Variants in SOX6 observed in about 807,000 individuals in gnomAD.
SOX6 encodes the protein transcription factor SOX-6.
SOX6 carries 11 observed loss-of-function variants against 97.8 expected under a neutral mutation model. The ratio of observed to expected loss-of-function variants is 0.11; its 90% CI spans 0.07 to 0.19. The LOEUF (loss-of-function observed/expected upper bound fraction) is 0.19, where lower values mean the gene tolerates loss of function less well. Among genes scored for constraint, SOX6 ranks in the 10% least tolerant of loss-of-function variants. The probability of loss-of-function intolerance (pLI) is 1.00; values close to 1 mark genes in which losing one functional copy is unlikely to be tolerated. For missense variants in SOX6, 810 were observed against 1,039.5 expected, an observed-to-expected ratio of 0.78 and a Z score of 3.04; for synonymous variants, 360 against 371.4, an observed-to-expected ratio of 0.97 and a Z score of 0.35.
intron 1 of SOX6, among the ~76,000 whole-genome samples, chr11:16,456,632 T>G (rs1859815076): frequency 6.6e-6 from 1 of 152,130 alleles, no homozygotes; most frequent in Non-Finnish European, 1.5e-5. Flanking sequence ...AACAGCATTA[T>G]GTACAAAATC....
intron 14 of SOX6, among the ~76,000 whole-genome samples, chr11:15,987,914 G>C (rs942765239): frequency 6.6e-6 from 1 of 151,560 alleles, no homozygotes; most frequent in Non-Finnish European, 1.5e-5. Context: ...ACCACTATTT[G>C]ATCTTATGTA....
At chr11:16,488,915 C>A (rs1351966068) in intron 4 of SOX6, among the ~76,000 whole-genome samples, 2 of 152,074 alleles carry the variant, frequency 1.3e-5, no homozygotes, top group Non-Finnish European at 2.9e-5. Context: ...AGTTTACAGG[C>A]AAGGAAACAG....
At chr11:16,516,554 A>G (rs2133156734) in intron 4 of SOX6, among the ~76,000 whole-genome samples, 1 of 152,220 alleles carries the variant, frequency 6.6e-6, no homozygotes, top group Non-Finnish European at 1.5e-5. Flanking sequence ...AAACACCTCT[A>G]CGCAAACAAA....
intron 3 of SOX6, among the ~76,000 whole-genome samples, chr11:16,238,110 G>A (rs1054128318): frequency 1.8e-4 from 28 of 151,836 alleles, no homozygotes; most frequent in Admixed American, 1.7e-3. Flanking sequence ...TGAAATGCAG[G>A]ACTTTATCTT....
intron 2 of SOX6, among the ~76,000 whole-genome samples, chr11:16,325,325 C>T (rs1467679315): frequency 6.6e-6 from 1 of 151,996 alleles, no homozygotes; most frequent in Non-Finnish European, 1.5e-5. Context: ...ATGTGCTCCC[C>T]CACACACAAA....
intron 3 of SOX6, among the ~76,000 whole-genome samples, chr11:16,237,840 A>C (rs1306997243): frequency 6.6e-6 from 1 of 152,044 alleles, no homozygotes; most frequent in Non-Finnish European, 1.5e-5. Context: ...TCTGACTTTG[A>C]CTTTTCCAAG....
At chr11:16,142,495 G>A (rs1236736370) in intron 6 of SOX6, among the ~76,000 whole-genome samples, 1 of 152,132 alleles carries the variant, frequency 6.6e-6, no homozygotes, top group African/African-American at 2.4e-5. Flanking sequence ...GAACAAAGCT[G>A]GACAGAGAAT....
chr11:16,599,457 C>T (rs902106253), intron 4 of SOX6, among the ~76,000 whole-genome samples: 1 of 152,182 alleles, frequency 6.6e-6, no homozygotes, highest in East Asian at 1.9e-4. Flanking sequence ...AATATTAACT[C>T]AGTTATTGAC....
intron 1 of SOX6, among the ~76,000 whole-genome samples, chr11:16,459,557 T>C (rs953094251): frequency 6.6e-6 from 1 of 152,044 alleles, no homozygotes; most frequent in Non-Finnish European, 1.5e-5. Flanking sequence ...AAACAGCTAT[T>C]ATACTTGCAT....
intron 4 of SOX6, among the ~76,000 whole-genome samples, chr11:16,512,221 C>T (rs1209529850): frequency 6.6e-6 from 1 of 152,100 alleles, no homozygotes; most frequent in African/African-American, 2.4e-5. Flanking sequence ...CCCCAAGACA[C>T]CATAAAGAAG....
intron 6 of SOX6, among the ~76,000 whole-genome samples, chr11:16,162,652 G>A (rs1850781666): frequency 6.6e-6 from 1 of 152,176 alleles, no homozygotes; most frequent in South Asian, 2.1e-4. Context: ...CAGATGCCCA[G>A]TGCCTTGCTT....
At chr11:16,147,646 T>C (rs1301762681) in intron 6 of SOX6, among the ~76,000 whole-genome samples, 1 of 152,186 alleles carries the variant, frequency 6.6e-6, no homozygotes, top group Admixed American at 6.6e-5. Flanking sequence ...TCCTGCTTAA[T>C]CCTTTCTCCC....
In SOX6 at chr11:16,647,972, C is replaced by A. The variant is rs188537619; in HGVS notation, n.430-35712G>T. ...CTCACAGGGTGAAGGAAGTTTCCAA[C>A]TGAAATTGGTAGTAGGTTCAACTGG... On this transcript the variant is annotated intron_variant and non_coding_transcript_variant, in intron 3 of 5. Coordinates refer to the SOX6 transcript ENST00000524520. Among the ~76,000 whole-genome samples the A allele has an allele frequency of 5.9e-5, 9 of 152,166 alleles. No homozygotes were observed. In the East Asian group the frequency reaches 1.7e-3, roughly 29 times the overall value.
At chr11:16,433,754 A>G (rs2133078556) in intron 1 of SOX6, among the ~76,000 whole-genome samples, 1 of 152,256 alleles carries the variant, frequency 6.6e-6, no homozygotes, top group South Asian at 2.1e-4. Flanking sequence ...TCAAATAATT[A>G]AGCAATATGA....
intron 3 of SOX6, among the ~76,000 whole-genome samples, chr11:16,288,720 T>A (rs1353829823): frequency 1.3e-5 from 2 of 151,852 alleles, no homozygotes; most frequent in Admixed American, 6.6e-5. Context: ...TACCAAAAAG[T>A]ACACCTTTGA....
intron 15 of SOX6, among the ~76,000 whole-genome samples, chr11:15,981,246 C>A (rs532170594): frequency 6.6e-6 from 1 of 152,088 alleles, no homozygotes; most frequent in South Asian, 2.1e-4. Flanking sequence ...CACATCAAAA[C>A]AACATTTGTG....
At chr11:16,291,363 GAATAAATA>G (rs138094110) in intron 3 of SOX6, among the ~76,000 whole-genome samples, 10 of 148,130 alleles carry the variant, frequency 6.8e-5, no homozygotes, top group South Asian at 2.2e-4. Flanking sequence ...TATAATGAAT[GAATAAATA>G]AATAAATAAA....
intron 1 of SOX6, among the ~76,000 whole-genome samples, chr11:16,457,575 G>C (rs947046005): frequency 1.3e-5 from 2 of 151,922 alleles, no homozygotes; most frequent in Non-Finnish European, 2.9e-5. Context: ...TGTGACTCAG[G>C]CCACGTAATT....
At chr11:16,236,148 A>T (rs1590052555) in intron 3 of SOX6, among the ~76,000 whole-genome samples, 1 of 151,662 alleles carries the variant, frequency 6.6e-6, no homozygotes, top group African/African-American at 2.4e-5. Context: ...TTATTTTCTC[A>T]GTCTTCAACA....
Sources: allele counts gnomAD v4.1 joint callset (sites outside exome capture counted in the v4.1 genomes callset), GRCh38; gene constraint gnomAD v4.1.1; transcripts MANE v1.5; gene names NCBI Gene and HGNC (gene_info 2026-07-23, HGNC 2026-07-21).